JAM3: variants seen among roughly 807,000 people sequenced by gnomAD.
The protein encoded by JAM3 is junctional adhesion molecule C.
A neutral mutation model predicts 39.4 loss-of-function variants in JAM3; 31 were observed. That is an observed-to-expected ratio of 0.79 (90% CI 0.59 to 1.06). The LOEUF (loss-of-function observed/expected upper bound fraction) is 1.06. JAM3 is among the 50% of genes least tolerant of loss of function. The pLI is 0.00. For synonymous variants in JAM3, 182 were observed against 148.7 expected (o/e 1.22, Z -1.63); for missense variants, 455 against 391.4 (o/e 1.16, Z -1.37).
At chr11:134,099,378 C>T (rs1942035818) in intron 1 of JAM3, among the ~76,000 whole-genome samples, 1 of 152,162 alleles carries the variant, frequency 6.6e-6, no homozygotes, top group South Asian at 2.1e-4. Flanking sequence ...CTATTTGCTT[C>T]ATTTTCTTTT....
At chr11:134,102,804 A>G (rs1239875102) in intron 1 of JAM3, among the ~76,000 whole-genome samples, 1 of 152,202 alleles carries the variant, frequency 6.6e-6, no homozygotes, top group Non-Finnish European at 1.5e-5. Context: ...CGAGAAGAGA[A>G]GTTTAGAGAA....
chr11:134,130,339 A>G (rs997621606), intron 1 of JAM3, among the ~76,000 whole-genome samples: 2 of 152,208 alleles, frequency 1.3e-5, no homozygotes, highest in Non-Finnish European at 2.9e-5. Flanking sequence ...TATTGAAACT[A>G]TCTGTGTCTT....
At chr11:134,084,549 C>T (rs1403247366) in intron 1 of JAM3, among the ~76,000 whole-genome samples, 1 of 152,100 alleles carries the variant, frequency 6.6e-6, no homozygotes, top group African/African-American at 2.4e-5. Flanking sequence ...AGCAGAGTAC[C>T]TGTCATAGTA....
chr11:134,086,668 T>G (rs1048138735), intron 1 of JAM3, among the ~76,000 whole-genome samples: 14 of 152,132 alleles, frequency 9.2e-5, no homozygotes, highest in Admixed American at 3.3e-4. Flanking sequence ...AACAGCTTAT[T>G]AAATAAATAG....
chr11:134,151,723 C>T lies in JAM3; in HGVS notation c.*2542C>T, dbSNP rs1943242065. 6.6e-6 allele frequency: 1 copy of T among 152,148 alleles called. No individual in the cohort carries two copies. The highest frequency in any genetic ancestry group is 1.5e-5 in the Non-Finnish European group (1 of 68,028). 9.4% of individuals were successfully genotyped at this position (152,148 alleles called of 1,614,324 possible). On this transcript the variant is annotated 3_prime_UTR_variant, in exon 9 of 9. Transcript: ENST00000299106. ...ACACCGTAATTTGGCATTTGTTTAA[C>T]CTCATTTATAAAAGCTTCAAAAAAA...
rs975657733 is a variant in JAM3, at chr11:134,149,985, T to A, written c.*804T>A. On this transcript the variant is annotated 3_prime_UTR_variant, in exon 9 of 9. Transcript: ENST00000299106. ...TTGAAAAGAAAATTTCTATTTAAAC[T>A]GTAAATATATTGTCATACAATGTTA... 6.0e-6 allele frequency: 1 copy of A among 166,540 alleles called. No individual in the cohort carries two copies. The highest frequency in any genetic ancestry group is 1.5e-4 in the South Asian group (1 of 6,750). 10.3% of individuals were successfully genotyped at this position (166,540 alleles called of 1,614,324 possible).
intron 1 of JAM3, among the ~76,000 whole-genome samples, chr11:134,107,799 G>A (rs922878079): frequency 6.6e-6 from 1 of 151,918 alleles, no homozygotes; most frequent in Non-Finnish European, 1.5e-5. Context: ...GGAAATTGAG[G>A]CTACAGTGAG....
In JAM3 at chr11:134,148,829, A is replaced by G. The variant is rs1433788832; in HGVS notation, c.897+11A>G. 6.2e-7 allele frequency: 1 copy of G among 1,613,860 alleles called. No homozygotes were observed. Among genetic ancestry groups the G allele is most frequent in the East Asian group, 2.2e-5 (1 of 44,880 alleles). On this transcript the variant is annotated intron_variant, in intron 8 of 8. Transcript: ENST00000299106. ...CGCACTGACGAGGAGGTAATCATTT[A>G]GTAAACCTGGAAACCTAGGTGTACC...
intron 1 of JAM3, 38 bp downstream of exon 1, chr11:134,069,197 CTG>C: frequency 6.2e-7 from 1 of 1,604,674 alleles, no homozygotes; most frequent in South Asian, 1.1e-5. Flanking sequence ...AGACTAGGGT[CTG>C]GGGGCGACGG....
chr11:134,082,442 G>T (rs1171466785), intron 1 of JAM3, among the ~76,000 whole-genome samples: 1 of 152,128 alleles, frequency 6.6e-6, no homozygotes, highest in African/African-American at 2.4e-5. Context: ...TCATCTTGTA[G>T]CTCCCATAAT....
chr11:134,124,468 A>G (rs1356933373), intron 1 of JAM3: 1 of 471,278 alleles, frequency 2.1e-6, no homozygotes, highest in Admixed American at 3.7e-5. Context: ...TCTCTATTCA[A>G]CTTGTTTATT....
intron 1 of JAM3, among the ~76,000 whole-genome samples, chr11:134,106,059 GAAC>G (rs1942179442): frequency 6.6e-6 from 1 of 152,166 alleles, no homozygotes. Flanking sequence ...TAAGCCAAAA[GAAC>G]AAAGCTGGAG....
intron 3 of JAM3, among the ~76,000 whole-genome samples, chr11:134,143,542 A>C (rs1445929580): frequency 1.3e-5 from 2 of 152,164 alleles, no homozygotes; most frequent in African/African-American, 2.4e-5. Flanking sequence ...CCTTATGTCC[A>C]GTTTTTAAAT....
intron 1 of JAM3, among the ~76,000 whole-genome samples, chr11:134,135,555 T>C (rs1280281649): frequency 2.0e-5 from 3 of 151,954 alleles, no homozygotes; most frequent in Non-Finnish European, 4.4e-5. Flanking sequence ...TTCTTTTTTT[T>C]GAGATGGAGT....
At chr11:134,076,833 CTTTTTTTT>C (rs71038556) in intron 1 of JAM3, among the ~76,000 whole-genome samples, 5 of 118,532 alleles carry the variant, frequency 4.2e-5, no homozygotes, top group African/African-American at 1.7e-4. Context: ...ACATCTATTG[CTTTTTTTT>C]TTTTTTTTTT....
At chr11:134,107,371 T>C (rs972801991) in intron 1 of JAM3, among the ~76,000 whole-genome samples, 1 of 152,024 alleles carries the variant, frequency 6.6e-6, no homozygotes, top group Non-Finnish European at 1.5e-5. Context: ...TTAGGAGATA[T>C]ACCTAATGTA....
intron 6 of JAM3, among the ~76,000 whole-genome samples, chr11:134,146,895 C>G (rs1943082860): frequency 6.6e-6 from 1 of 151,930 alleles, no homozygotes; most frequent in African/African-American, 2.4e-5. Context: ...CTTCCCTCCT[C>G]CCTATTTGGA....
chr11:134,121,828 C>CAG (rs975690697), intron 1 of JAM3, among the ~76,000 whole-genome samples: 5 of 151,710 alleles, frequency 3.3e-5, no homozygotes, highest in African/African-American at 9.7e-5. Flanking sequence ...TGCGCACACA[C>CAG]ACACACACAC....
chr11:134,103,571 T>G (rs1247990453), intron 1 of JAM3, among the ~76,000 whole-genome samples: 3 of 152,116 alleles, frequency 2.0e-5, no homozygotes, highest in African/African-American at 7.2e-5. Context: ...GTCTGGCAAA[T>G]TGGATAAAGA....
Sources: allele counts gnomAD v4.1 joint callset (sites outside exome capture counted in the v4.1 genomes callset), GRCh38; gene constraint gnomAD v4.1.1; transcripts MANE v1.5; gene names NCBI Gene and HGNC (gene_info 2026-07-23, HGNC 2026-07-21).